DNAH12: variants seen among roughly 807,000 people sequenced by gnomAD.
DNAH12 encodes dynein axonemal heavy chain 12.
A neutral mutation model predicts 371.5 loss-of-function variants in DNAH12; 285 were observed. That is an observed-to-expected ratio of 0.77 (90% confidence interval 0.70 to 0.85). The LOEUF (loss-of-function observed/expected upper bound fraction) is 0.85, where lower values mean the gene tolerates loss of function less well. Ranked by LOEUF, DNAH12 falls within the 40% of genes least tolerant of loss-of-function variation. The pLI, the probability that DNAH12 is intolerant of heterozygous loss-of-function variation, is 0.00. For missense variants in DNAH12, 3,611 were observed against 3,689.4 expected (o/e 0.98, Z 0.55); for synonymous variants, 1,200 against 1,213.0 (o/e 0.99, Z 0.22).
chr3:57,478,932 C>A (rs1484962259), intron 13 of DNAH12, among the ~76,000 whole-genome samples: 2 of 152,136 alleles, frequency 1.3e-5, no homozygotes, highest in African/African-American at 4.8e-5. Context: ...AAGCGCTAAA[C>A]ATGGAAAGGA....
the DNAH12 span, among the ~76,000 whole-genome samples, chr3:57,551,148 G>A: frequency 6.6e-6 from 1 of 150,880 alleles, no homozygotes; most frequent in Admixed American, 6.6e-5. Flanking sequence ...TTACAGGCGT[G>A]AGCCACCGTG....
rs909699407 is a variant in DNAH12, at chr3:57,413,730, C to A, written c.6020+16G>T. On this transcript the variant is annotated intron_variant, in intron 39 of 73. Coordinates refer to ENST00000495027, the MANE Select transcript of DNAH12 (RefSeq NM_001366028.2). ...GAGGTATAACTTCAGCATAACTTATCGAATTAAATAGTTACCAATGTCCAC... is the reference window on the plus strand; with the variant it reads ...GAGGTATAACTTCAGCATAACTTATAGAATTAAATAGTTACCAATGTCCAC... 1.3e-6 allele frequency: 2 copies of A among 1,543,318 alleles called. No homozygotes were observed. The highest frequency in any genetic ancestry group is 1.7e-4 in the Middle Eastern group (1 of 5,942).
At chr3:57,491,090 A>AAAAAAAAC (rs2067106321) in intron 11 of DNAH12, among the ~76,000 whole-genome samples, 1 of 146,198 alleles carries the variant, frequency 6.8e-6, no homozygotes, top group Non-Finnish European at 1.5e-5. Flanking sequence ...TCAAAAAAAA[A>AAAAAAAAC]AAAAAAAAAA....
Position 57,433,525 on chromosome 3 carries a change from G to T in DNAH12, c.4840-18C>A, listed in dbSNP as rs1304228581. 5.8e-6 allele frequency: 9 copies of T among 1,542,358 alleles called. 1 individual carries two copies. The Admixed American group carries it at 1.7e-4, about 28-fold the overall frequency. Reference sequence around the variant, plus strand: ...TCAGTCCACTGAGGAGGAAAAAAAAGAATTAAAAAGCTCTCCTCATAAAAT... The same window carrying T: ...TCAGTCCACTGAGGAGGAAAAAAAATAATTAAAAAGCTCTCCTCATAAAAT... On this transcript the variant is annotated intron_variant, in intron 31 of 73. Coordinates refer to ENST00000495027, the MANE Select transcript of DNAH12 (RefSeq NM_001366028.2).
chr3:57,380,262 A>C lies in DNAH12; in HGVS notation c.8082+16T>G, dbSNP rs1181906745. 1.3e-5 allele frequency: 2 copies of C among 152,168 alleles called. No individual in the cohort carries two copies. The highest frequency in any genetic ancestry group is 4.8e-5 in the African/African-American group (2 of 41,442). The allele number at this position is 152,168 out of a possible 1,614,324, so 9.4% of individuals were successfully genotyped here. On this transcript the variant is annotated intron_variant, in intron 51 of 73. Coordinates refer to ENST00000495027, the MANE Select transcript of DNAH12 (RefSeq NM_001366028.2). ...AGCCAAGTCACATTTGTAGAAAAAA[A>C]CCCAATGCAACTCACTGGAATGTTG...
At chr3:57,340,046 G>A (rs191973130) in intron 60 of DNAH12, among the ~76,000 whole-genome samples, 1 of 151,866 alleles carries the variant, frequency 6.6e-6, no homozygotes, top group Non-Finnish European at 1.5e-5. Flanking sequence ...ACTCCAGCAT[G>A]GGGGACAAAG....
chr3:57,538,632 A>T (rs2069150352), intron 2 of DNAH12, among the ~76,000 whole-genome samples: 2 of 152,196 alleles, frequency 1.3e-5, no homozygotes, highest in Non-Finnish European at 2.9e-5. Flanking sequence ...AGTTATACTT[A>T]CACTACCTGC....
intron 62 of DNAH12, among the ~76,000 whole-genome samples, chr3:57,324,883 C>A (rs886351772): frequency 6.6e-6 from 1 of 152,178 alleles, no homozygotes; most frequent in East Asian, 1.9e-4. Context: ...TGCGCTTTTC[C>A]GATGGGCTTA....
chr3:57,309,270 T>C lies in DNAH12; in HGVS notation c.11086-16A>G, dbSNP rs1457206462. The stretch of plus-strand genomic sequence containing the variant: ...CACTAGGGAGCTAAAAGAATAGATT[T>C]TGAAGATCACAAATTATTCTCAGAA... On this transcript the variant is annotated splice_polypyrimidine_tract_variant and intron_variant, in intron 68 of 73. Coordinates refer to ENST00000495027, the MANE Select transcript of DNAH12 (RefSeq NM_001366028.2). 1.3e-6 allele frequency: 2 copies of C among 1,523,528 alleles called. No individual in the cohort carries two copies. The highest frequency in any genetic ancestry group is 8.8e-7 in the Non-Finnish European group (1 of 1,132,536). 94.4% of individuals were successfully genotyped at this position (1,523,528 alleles called of 1,614,324 possible).
chr3:57,381,381 T>TA (rs1211610071), intron 50 of DNAH12, among the ~76,000 whole-genome samples: 2 of 152,028 alleles, frequency 1.3e-5, no homozygotes, highest in Non-Finnish European at 2.9e-5. Context: ...ACCCAGGTAT[T>TA]AGAAAAACCT....
intron 12 of DNAH12, among the ~76,000 whole-genome samples, chr3:57,488,163 G>A (rs367985994): frequency 3.9e-5 from 6 of 151,928 alleles, no homozygotes; most frequent in Admixed American, 3.3e-4. Flanking sequence ...TTAGTCCTGC[G>A]AGGAAGGTAC....
intron 41 of DNAH12, 70 bp downstream of exon 41, chr3:57,405,583 T>A: frequency 7.1e-7 from 1 of 1,415,140 alleles, no homozygotes; most frequent in Non-Finnish European, 9.4e-7. Context: ...TTTTTAAAAA[T>A]ATAACTTAAT....
rs1488456892 is a variant in DNAH12 at position 57,413,756 on chromosome 3, A to C, written c.6010T>G (p.Cys2004Gly). 3.2e-6 allele frequency: 5 copies of C among 1,550,328 alleles called. No individual in the cohort carries two copies. In the Admixed American group the frequency reaches 9.8e-5, roughly 31 times the overall value. The change falls in exon 39 of 74, where the codon TGT (cysteine) becomes GGT (glycine). Residue 2004 changes from cysteine (C) to glycine (G), a missense_variant. Around this residue, in one of 3 missense-constraint regions of DNAH12, gnomAD observed 2,266 missense variants for 2,236.9 expected, o/e 1.01. Coordinates refer to ENST00000495027, the MANE Select transcript of DNAH12 (RefSeq NM_001366028.2). ...GAATTAAATAGTTACCAATGTCCAC[A>C]GTCAAAAAACTGTCGTAATAATTCA... ...PIELLRQFFDCGHWYDLKDTS... is the reference protein window; with the variant it reads ...PIELLRQFFDGGHWYDLKDTS...
chr3:57,330,905 A>G lies in DNAH12; in HGVS notation c.9978+3560T>C, dbSNP rs1214505130. Among the ~76,000 whole-genome samples, 8 of 152,116 alleles carry G rather than the reference A, an allele frequency of 5.3e-5. No individual in the cohort carries two copies. In the East Asian group the frequency reaches 1.2e-3, roughly 22 times the overall value. ...TTCCTTTCAGAAAATCAATCAATCAATCAATCAATTCCCCTCCCCTGTTGT... is the reference window on the plus strand; with the variant it reads ...TTCCTTTCAGAAAATCAATCAATCAGTCAATCAATTCCCCTCCCCTGTTGT... On this transcript the variant is annotated intron_variant, in intron 62 of 73. Coordinates refer to ENST00000495027, the MANE Select transcript of DNAH12 (RefSeq NM_001366028.2).
chr3:57,433,558 A>G lies in DNAH12; in HGVS notation c.4840-51T>C, dbSNP rs570952178. On this transcript the variant is annotated intron_variant, in intron 31 of 73. Coordinates refer to ENST00000495027, the MANE Select transcript of DNAH12 (RefSeq NM_001366028.2). ...AAGCTCTCCTCATAAAATTAGATTTAGGAGTAAAACTATGAAAATACTTCA... is the reference window on the plus strand; with the variant it reads ...AAGCTCTCCTCATAAAATTAGATTTGGGAGTAAAACTATGAAAATACTTCA... The G allele has an allele frequency of 2.2e-4, 334 of 1,541,494 alleles. No individual in the cohort carries two copies. The African/African-American group carries it at 4.1e-3, about 19-fold the overall frequency.
chr3:57,418,435 G>T (rs1851575), intron 37 of DNAH12, among the ~76,000 whole-genome samples: 77,096 of 144,252 alleles, frequency 0.53, 21,276 homozygotes, highest in African/African-American at 0.68. Context: ...AGCTACTTGA[G>T]AGGCTGAGGT....
intron 59 of DNAH12, 151 bp from the exon 60 acceptor site, chr3:57,352,376 T>C (rs2062698448): frequency 2.4e-6 from 2 of 821,472 alleles, no homozygotes. Flanking sequence ...ACTGGTGAAA[T>C]CTGAATAAGC....
chr3:57,520,594 C>T (rs1379631407), intron 4 of DNAH12, among the ~76,000 whole-genome samples: 1 of 151,730 alleles, frequency 6.6e-6, no homozygotes, highest in Non-Finnish European at 1.5e-5. Flanking sequence ...AGGCGCCCGC[C>T]ACCACGCCCA....
intron 56 of DNAH12, 104 bp from the exon 57 acceptor site, chr3:57,367,025 G>A (rs962957155): frequency 6.6e-6 from 1 of 152,190 alleles, no homozygotes; most frequent in Non-Finnish European, 1.5e-5. Flanking sequence ...CGGTCCTAAA[G>A]TAATTTAAAA....
Sources: gnomAD v4.1 joint callset for allele counts (sites outside exome capture counted in the v4.1 genomes callset) on GRCh38, gnomAD v4.1.1 for gene constraint, gnomAD v4.1.1 regional missense constraint, MANE v1.5 for transcripts, NCBI Gene and HGNC (gene_info 2026-07-23, HGNC 2026-07-21) for gene names.